PDE4C: variants seen among roughly 807,000 people sequenced by gnomAD.
PDE4C encodes 3',5'-cyclic-AMP phosphodiesterase 4C.
In PDE4C, 50 loss-of-function variants were observed where a neutral mutation model predicts 63.9. The observed-to-expected ratio is 0.78, with a 90% CI of 0.62 to 0.99. The LOEUF (loss-of-function observed/expected upper bound fraction) is 0.99, where lower values mean the gene tolerates loss of function less well. PDE4C is among the 50% of genes least tolerant of loss of function. The pLI is 0.00. For synonymous variants in PDE4C, 377 were observed against 385.1 expected (o/e 0.98, Z 0.25); for missense variants, 777 against 899.1 (o/e 0.86, Z 1.74).
chr19:18,216,037 A>G (rs1968180742), intron 12 of PDE4C, among the ~76,000 whole-genome samples: 1 of 150,818 alleles, frequency 6.6e-6, no homozygotes, highest in Non-Finnish European at 1.5e-5. Flanking sequence ...CACCATGTTG[A>G]TCAAGCTGGT....
At chr19:18,238,067 T>A (rs191239900), upstream of PDE4C, among the ~76,000 whole-genome samples, 353 of 151,322 alleles carry the variant, frequency 2.3e-3, 3 homozygotes, top group African/African-American at 8.1e-3. Context: ...CTACAAAAAA[T>A]AAACAAAATT....
intron 1 of PDE4C, 23 bp downstream of exon 1, chr19:18,226,246 GC>G: frequency 6.5e-7 from 1 of 1,541,060 alleles, no homozygotes. Flanking sequence ...CGGTGACCCC[GC>G]CAGGCCCTCT....
chr19:18,248,525 T>C (rs549750233), upstream of PDE4C, among the ~76,000 whole-genome samples: 174 of 151,644 alleles, frequency 1.1e-3, 1 homozygote, highest in South Asian at 0.018. Context: ...TAATTGTTCA[T>C]GTGTTTGCAT....
Position 18,242,785 on chromosome 19 carries a change from CA to C in PDE4C, c.-210+5385del, listed in dbSNP as rs11381255. The stretch of plus-strand genomic sequence containing the variant: ...GGGCCACAGAGCAAGACTTTCACCT[CA>C]AAAAAAAAAAAAAAAAAGGGAATTG... On this transcript the variant is annotated intron_variant, in intron 1 of 15. Transcript: ENST00000594617. 2.6e-3 allele frequency among the ~76,000 whole-genome samples: 279 copies of C among 109,376 alleles called. 1 individual carries two copies. The highest frequency in any genetic ancestry group is 5.7e-3 in the African/African-American group (162 of 28,324). 71.8% of individuals were successfully genotyped at this position (109,376 alleles called of 152,430 possible).
chr19:18,235,359 C>T (rs2283614), upstream of PDE4C, among the ~76,000 whole-genome samples: 994 of 152,264 alleles, frequency 6.5e-3, 72 homozygotes, highest in East Asian at 0.16. Context: ...TTAGTAGAGA[C>T]GCAGTTTCAC....
At position 18,221,090 on chromosome 19, in the gene PDE4C, C is replaced by CCCCCCCCAAACAAAATTGGGG; in HGVS notation, c.449+14_449+15insCCCCAATTTTGTTTGGGGGGG. 1 of 1,488,230 alleles carries CCCCCCCCAAACAAAATTGGGG rather than the reference C, an allele frequency of 6.7e-7. No individual in the cohort carries two copies. The highest frequency in any genetic ancestry group is 9.0e-7 in the Non-Finnish European group (1 of 1,108,458). The allele number at this position is 1,488,230 out of a possible 1,614,324, so 92.2% of individuals were successfully genotyped here. On this transcript the variant is annotated intron_variant, in intron 4 of 14. Coordinates refer to ENST00000262805, the Ensembl canonical transcript of PDE4C. ...CTGCCGGCCCCGCCCCCGCCCCGCCCCGCCCTCTACCTACTTGGCTGCTCC... is the reference window on the plus strand; with the variant it reads ...CTGCCGGCCCCGCCCCCGCCCCGCCCCCCCCCCAAACAAAATTGGGGCGCCCTCTACCTACTTGGCTGCTCC...
At chr19:18,241,208 G>A (rs1158201233) in intron 1 of PDE4C, among the ~76,000 whole-genome samples, 1 of 151,276 alleles carries the variant, frequency 6.6e-6, no homozygotes, top group East Asian at 1.9e-4. Flanking sequence ...TGAGATGTCA[G>A]CTGCTCATTT....
At chr19:18,237,981 A>G (rs1456357071), upstream of PDE4C, among the ~76,000 whole-genome samples, 1 of 152,092 alleles carries the variant, frequency 6.6e-6, no homozygotes, top group Non-Finnish European at 1.5e-5. Context: ...TCATGCCCAT[A>G]ATCCCAACAC....
Position 18,220,603 on chromosome 19 carries a change from T to A in PDE4C, c.500-88A>T. The A allele has an allele frequency of 8.3e-7, 1 of 1,207,036 alleles. No homozygotes were observed. The highest frequency in any genetic ancestry group is 2.1e-5 in the Admixed American group (1 of 46,660). 74.8% of individuals were successfully genotyped at this position (1,207,036 alleles called of 1,614,324 possible). A position where few individuals can be genotyped will look rare whatever the true frequency, so the allele number is the denominator to read the frequency against. ...CGACTTCGTCTCTTCATCTGGACCC[T>A]GAAACTGTTCCCACGGGGGCCACCC... On this transcript the variant is annotated intron_variant, in intron 5 of 14. Coordinates refer to ENST00000262805, the Ensembl canonical transcript of PDE4C. This position sits in a 1 kb window ranked among gnomAD's most constrained non-coding sequence, Gnocchi z 5.1.
intron 1 of PDE4C, among the ~76,000 whole-genome samples, chr19:18,244,590 G>A (rs142759766): frequency 0.014 from 2,070 of 152,094 alleles, 19 homozygotes; most frequent in Middle Eastern, 0.031. Flanking sequence ...TTGGCTCACC[G>A]CAACCTCCGC....
exon 15 of PDE4C, chr19:18,211,026 A>G (rs1262811829): frequency 1.2e-6 from 2 of 1,614,222 alleles, no homozygotes; most frequent in Admixed American, 1.7e-5. Context: ...CTCTTTGGCT[A>G]AAGCTGTCTC....
At chr19:18,213,566 C>T (rs1222509924) in intron 12 of PDE4C, 76 bp from the exon 13 acceptor site, 1 of 1,493,442 alleles carries the variant, frequency 6.7e-7, no homozygotes, top group East Asian at 2.4e-5. Context: ...TCCCAGATGC[C>T]ACTCTGGCTC....
upstream of PDE4C, among the ~76,000 whole-genome samples, chr19:18,229,946 C>A (rs1968816866): frequency 6.6e-6 from 1 of 152,162 alleles, no homozygotes; most frequent in Admixed American, 6.5e-5. Context: ...TTCTCTGAAT[C>A]AGCCAGGCTT....
chr19:18,215,245 C>T (rs1600063851), intron 12 of PDE4C, among the ~76,000 whole-genome samples: 1 of 152,142 alleles, frequency 6.6e-6, no homozygotes, highest in East Asian at 1.9e-4. Flanking sequence ...TCTGCACACC[C>T]TGGCTTCAAT....
At chr19:18,236,562 C>T (rs533087752), upstream of PDE4C, among the ~76,000 whole-genome samples, 17 of 152,278 alleles carry the variant, frequency 1.1e-4, no homozygotes, top group African/African-American at 4.1e-4. Flanking sequence ...CCAGGTAGTC[C>T]TCCCTGAGCC....
At chr19:18,213,735 G>C (rs180950144) in intron 12 of PDE4C, among the ~76,000 whole-genome samples, 1 of 152,276 alleles carries the variant, frequency 6.6e-6, no homozygotes, top group East Asian at 1.9e-4. Flanking sequence ...AGGGTGTAGT[G>C]GGGAGGTGAT....
exon 15 of PDE4C, chr19:18,211,123 C>T (rs759324714): frequency 5.6e-6 from 9 of 1,614,074 alleles, no homozygotes; most frequent in East Asian, 4.5e-5. Flanking sequence ...CCGTCCCGCT[C>T]GGGGTTGGTG....
At chr19:18,216,274 T>C (rs1174347289) in intron 12 of PDE4C, among the ~76,000 whole-genome samples, 2 of 151,290 alleles carry the variant, frequency 1.3e-5, no homozygotes, top group East Asian at 3.9e-4. Flanking sequence ...TTTTTTTTTT[T>C]TTGAGATGGA....
At chr19:18,243,392 G>C (rs965299352) in intron 1 of PDE4C, among the ~76,000 whole-genome samples, 3 of 152,152 alleles carry the variant, frequency 2.0e-5, no homozygotes, top group African/African-American at 7.2e-5. Flanking sequence ...ACAGGCGTGA[G>C]CCACCACATC....
Sources: gnomAD v4.1 joint callset for allele counts (sites outside exome capture counted in the v4.1 genomes callset) on GRCh38, gnomAD v4.1.1 for gene constraint, Gnocchi (gnomAD v3.1) non-coding constraint, MANE v1.5 for transcripts, NCBI Gene and HGNC (gene_info 2026-07-23, HGNC 2026-07-21) for gene names.